The following PTPRT variants were observed in gnomAD, a reference collection of about 807,000 sequenced individuals.
The protein encoded by PTPRT is receptor-type tyrosine-protein phosphatase T.
In PTPRT, 56 loss-of-function variants were observed where a neutral mutation model predicts 176.8. The ratio of observed to expected loss-of-function variants is 0.32; its 90% CI spans 0.26 to 0.40. PTPRT has a LOEUF of 0.40. Among genes scored for constraint, PTPRT ranks in the 10% least tolerant of loss-of-function variants. The pLI, the probability that PTPRT is intolerant of heterozygous loss-of-function variation, is 1.00. For synonymous variants in PTPRT, 783 were observed against 739.0 expected, an observed-to-expected ratio of 1.06 and a Z score of -0.96; for missense variants, 1,540 against 1,908.2, an observed-to-expected ratio of 0.81 and a Z score of 3.60.
the PTPRT span, among the ~76,000 whole-genome samples, chr20:42,065,033 A>C: frequency 6.6e-6 from 1 of 152,220 alleles, no homozygotes; most frequent in East Asian, 1.9e-4. Context: ...TGACAGCTCC[A>C]CTGAGTCTCC....
intron 22 of PTPRT, among the ~76,000 whole-genome samples, chr20:42,114,149 G>A (rs1987155288): frequency 6.6e-6 from 1 of 152,232 alleles, no homozygotes; most frequent in Admixed American, 6.5e-5. Flanking sequence ...TGGTTTTAGA[G>A]AAATGGAACC....
chr20:42,786,509 G>A (rs1273296710), intron 3 of PTPRT, among the ~76,000 whole-genome samples: 1 of 152,164 alleles, frequency 6.6e-6, no homozygotes, highest in Non-Finnish European at 1.5e-5. Flanking sequence ...TGCTTCCTAC[G>A]CTGGAAGATA....
chr20:42,072,583 A>G (rs994871218), downstream of PTPRT, among the ~76,000 whole-genome samples: 1 of 152,214 alleles, frequency 6.6e-6, no homozygotes, highest in Non-Finnish European at 1.5e-5. Flanking sequence ...AAATCCCTTG[A>G]TGTTTCTGAG....
intron 1 of PTPRT, among the ~76,000 whole-genome samples, chr20:43,146,655 T>C (rs6072999): frequency 1.3e-5 from 2 of 152,066 alleles, no homozygotes; most frequent in Non-Finnish European, 2.9e-5. Flanking sequence ...TGTCTGGGGG[T>C]ACTGAGCATG....
At chr20:43,109,892 A>C (rs1314815668) in intron 1 of PTPRT, among the ~76,000 whole-genome samples, 2 of 152,138 alleles carry the variant, frequency 1.3e-5, no homozygotes, top group Non-Finnish European at 2.9e-5. Flanking sequence ...GGACCAGTGT[A>C]ATAGAGTGGG....
intron 1 of PTPRT, among the ~76,000 whole-genome samples, chr20:43,151,427 GA>G (rs2014353424): frequency 6.6e-6 from 1 of 151,704 alleles, no homozygotes; most frequent in Non-Finnish European, 1.5e-5. Flanking sequence ...TTCCTGGCAA[GA>G]AAACTGAGTC....
intron 7 of PTPRT, among the ~76,000 whole-genome samples, chr20:42,621,396 C>T (rs950047480): frequency 6.6e-6 from 1 of 152,232 alleles, no homozygotes; most frequent in African/African-American, 2.4e-5. Flanking sequence ...GTCCCCACCA[C>T]ATAGCCAAAT....
At chr20:42,279,026 G>A (rs963502211) in intron 13 of PTPRT, among the ~76,000 whole-genome samples, 5 of 152,152 alleles carry the variant, frequency 3.3e-5, no homozygotes, top group African/African-American at 1.2e-4. Flanking sequence ...AACAAAACCT[G>A]ATTTTTAAAT....
At chr20:42,513,681 T>C (rs76692161) in intron 7 of PTPRT, among the ~76,000 whole-genome samples, 2,331 of 152,310 alleles carry the variant, frequency 0.015, 58 homozygotes, top group African/African-American at 0.054. Context: ...AAGAACACTC[T>C]TCACCAGCAG....
chr20:42,329,703 A>G (rs2057940076), intron 11 of PTPRT, among the ~76,000 whole-genome samples: 1 of 152,214 alleles, frequency 6.6e-6, no homozygotes, highest in African/African-American at 2.4e-5. Context: ...GATCAACCTT[A>G]CATAAAGCCT....
chr20:42,128,886 T>C (rs370722810), intron 18 of PTPRT, 56 bp from the exon 19 acceptor site: 93 of 1,437,856 alleles, frequency 6.5e-5, no homozygotes, highest in Non-Finnish European at 8.6e-5. Flanking sequence ...ACGCAGCTAA[T>C]GTCCTCCTTT....
chr20:43,096,802 C>T (rs927267823), intron 1 of PTPRT, among the ~76,000 whole-genome samples: 1 of 152,132 alleles, frequency 6.6e-6, no homozygotes, highest in African/African-American at 2.4e-5. Flanking sequence ...AGAGGAGGCC[C>T]CTGATCCCTC....
chr20:42,523,989 C>G (rs996648234), intron 7 of PTPRT, among the ~76,000 whole-genome samples: 1 of 151,338 alleles, frequency 6.6e-6, no homozygotes, highest in Non-Finnish European at 1.5e-5. Flanking sequence ...ATAGGGAGAC[C>G]CTATCTCTAA....
intron 1 of PTPRT, among the ~76,000 whole-genome samples, chr20:43,161,566 A>T (rs1175556095): frequency 2.0e-5 from 3 of 152,198 alleles, no homozygotes; most frequent in African/African-American, 7.2e-5. Flanking sequence ...TGGATACCCA[A>T]GCAAAATTGG....
At chr20:42,468,827 C>A (rs1046998521) in intron 8 of PTPRT, among the ~76,000 whole-genome samples, 2 of 152,186 alleles carry the variant, frequency 1.3e-5, no homozygotes, top group African/African-American at 4.8e-5. Context: ...TGATTTTCAG[C>A]AGTGACTTCT....
chr20:42,548,747 A>G (rs2072717859), intron 7 of PTPRT, among the ~76,000 whole-genome samples: 1 of 152,166 alleles, frequency 6.6e-6, no homozygotes, highest in African/African-American at 2.4e-5. Flanking sequence ...TATAAATGCA[A>G]CTCGTGAAAA....
At chr20:42,905,204 TCAAA>T (rs2079458713) in intron 1 of PTPRT, among the ~76,000 whole-genome samples, 1 of 152,016 alleles carries the variant, frequency 6.6e-6, no homozygotes. Flanking sequence ...TAAAAAGAAC[TCAAA>T]CAAATTTACA....
intron 1 of PTPRT, among the ~76,000 whole-genome samples, chr20:43,103,542 A>G (rs2012476741): frequency 6.6e-6 from 1 of 150,822 alleles, no homozygotes; most frequent in African/African-American, 2.5e-5. Flanking sequence ...ATAAAACCCC[A>G]CTTTGGACCC....
chr20:42,614,905 GT>G (rs975757233), intron 7 of PTPRT, among the ~76,000 whole-genome samples: 2 of 148,148 alleles, frequency 1.3e-5, no homozygotes, highest in Non-Finnish European at 3.0e-5. Context: ...GGAACTCTCG[GT>G]TTTTTTTGTT....
Sources: allele counts gnomAD v4.1 joint callset (sites outside exome capture counted in the v4.1 genomes callset), GRCh38; gene constraint gnomAD v4.1.1; transcripts MANE v1.5; gene names NCBI Gene and HGNC (gene_info 2026-07-23, HGNC 2026-07-21).